The following LDB2 variants were observed in gnomAD, a reference collection of about 807,000 sequenced individuals.
The protein encoded by LDB2 is LIM domain binding 2, also known as LIM domain-binding protein 2.
A neutral mutation model predicts 44.3 loss-of-function variants in LDB2; 12 were observed. That is an observed-to-expected ratio of 0.27 (90% confidence interval 0.17 to 0.44). LDB2 has a LOEUF of 0.44. Ranked by LOEUF, LDB2 falls within the 20% of genes least tolerant of loss-of-function variation. The probability of loss-of-function intolerance (pLI) is 1.00; values close to 1 mark genes in which losing one functional copy is unlikely to be tolerated. For synonymous variants in LDB2, 164 were observed against 174.8 expected (o/e 0.94, Z 0.49); for missense variants, 344 against 473.5 (o/e 0.73, Z 2.54).
At chr4:16,773,937 G>A (rs569950204) in intron 1 of LDB2, among the ~76,000 whole-genome samples, 4 of 146,158 alleles carry the variant, frequency 2.7e-5, no homozygotes, top group African/African-American at 1.0e-4. Context: ...GGTGGATCAC[G>A]AGGTCAGGAG....
intron 5 of LDB2, among the ~76,000 whole-genome samples, chr4:16,577,384 C>T (rs1191338565): frequency 6.6e-6 from 1 of 152,036 alleles, no homozygotes; most frequent in Admixed American, 6.6e-5. Flanking sequence ...TAAAGTTGCG[C>T]AATACAAAAT....
chr4:16,511,126 A>G (rs1401783114), intron 6 of LDB2, among the ~76,000 whole-genome samples: 1 of 152,184 alleles, frequency 6.6e-6, no homozygotes, highest in South Asian at 2.1e-4. Context: ...TTCATTTTAC[A>G]TAAAACCCCT....
chr4:16,652,532 C>T (rs1251047222), intron 2 of LDB2, among the ~76,000 whole-genome samples: 1 of 152,196 alleles, frequency 6.6e-6, no homozygotes, highest in Non-Finnish European at 1.5e-5. Context: ...TGGACTTCTG[C>T]CACCCCATTT....
At chr4:16,737,962 G>A in intron 2 of LDB2, among the ~76,000 whole-genome samples, 1 of 152,150 alleles carries the variant, frequency 6.6e-6, no homozygotes, top group Non-Finnish European at 1.5e-5. Flanking sequence ...CCAAATGACT[G>A]GAACTAGTTG....
intron 5 of LDB2, among the ~76,000 whole-genome samples, chr4:16,547,088 T>C (rs1363169709): frequency 2.0e-5 from 3 of 152,168 alleles, no homozygotes; most frequent in African/African-American, 7.2e-5. Flanking sequence ...CTAGATGATA[T>C]AATACTGGAT....
At chr4:16,794,349 GA>G (rs1238174134) in intron 1 of LDB2, among the ~76,000 whole-genome samples, 4 of 152,218 alleles carry the variant, frequency 2.6e-5, no homozygotes, top group Non-Finnish European at 5.9e-5. Context: ...ATGATATTAG[GA>G]TGACCACCTC....
intron 2 of LDB2, among the ~76,000 whole-genome samples, chr4:16,635,567 G>A (rs763612154): frequency 6.6e-5 from 10 of 152,148 alleles, no homozygotes; most frequent in Admixed American, 2.0e-4. Context: ...GTGCTATAAT[G>A]CAGTCATGCC....
intron 1 of LDB2, among the ~76,000 whole-genome samples, chr4:16,777,732 G>T (rs1579573021): frequency 6.6e-6 from 1 of 151,972 alleles, no homozygotes; most frequent in Admixed American, 6.6e-5. Context: ...TGTAAAATGG[G>T]GACAGCAATC....
At chr4:16,637,477 C>G (rs80115191) in intron 2 of LDB2, among the ~76,000 whole-genome samples, 1 of 151,952 alleles carries the variant, frequency 6.6e-6, no homozygotes, top group Non-Finnish European at 1.5e-5. Flanking sequence ...CAAGTCTTTA[C>G]GGAGTACCCA....
At chr4:16,770,513 T>C (rs1329194368) in intron 1 of LDB2, among the ~76,000 whole-genome samples, 1 of 152,166 alleles carries the variant, frequency 6.6e-6, no homozygotes, top group Non-Finnish European at 1.5e-5. Context: ...TCACAGGCTC[T>C]CTATCAAGTT....
At chr4:16,807,084 C>G (rs1778924501) in intron 1 of LDB2, among the ~76,000 whole-genome samples, 1 of 152,182 alleles carries the variant, frequency 6.6e-6, no homozygotes, top group Non-Finnish European at 1.5e-5. Context: ...TGACAAGTCC[C>G]TCTTACATGT....
intron 1 of LDB2, among the ~76,000 whole-genome samples, chr4:16,863,185 G>A (rs2110279469): frequency 6.6e-6 from 1 of 152,332 alleles, no homozygotes; most frequent in East Asian, 1.9e-4. Context: ...AAGGGCAAGA[G>A]TTACAAATCA....
In LDB2 at chr4:16,657,917, T is replaced by C. The variant is rs1346303105; in HGVS notation, c.236-62042A>G. Among the ~76,000 whole-genome samples the C allele has an allele frequency of 2.6e-5, 4 of 152,350 alleles. No individual in the cohort carries two copies. The South Asian group carries it at 8.3e-4, about 32-fold the overall frequency. On this transcript the variant is annotated intron_variant, in intron 2 of 7. Coordinates refer to ENST00000304523, the MANE Select transcript of LDB2 (RefSeq NM_001290.5). ...CCACATATTTTAAAAACCTTCTCTCTACAGAAAATAAGAAAGACATGTTTC... is the reference window on the plus strand; with the variant it reads ...CCACATATTTTAAAAACCTTCTCTCCACAGAAAATAAGAAAGACATGTTTC...
chr4:16,607,835 G>A (rs1231707853), intron 2 of LDB2, among the ~76,000 whole-genome samples: 2 of 152,280 alleles, frequency 1.3e-5, no homozygotes, highest in East Asian at 3.9e-4. Flanking sequence ...GTGGATAAAT[G>A]TGGACTTGGC....
At chr4:16,622,761 G>C (rs1496751) in intron 2 of LDB2, among the ~76,000 whole-genome samples, 1 of 152,324 alleles carries the variant, frequency 6.6e-6, no homozygotes, top group African/African-American at 2.4e-5. Context: ...CTCTAGCGTA[G>C]AGTGAAAGCA....
At chr4:16,661,003 C>T (rs1245508749) in intron 2 of LDB2, among the ~76,000 whole-genome samples, 2 of 152,064 alleles carry the variant, frequency 1.3e-5, no homozygotes, top group Non-Finnish European at 2.9e-5. Context: ...AATTTAATTC[C>T]CTGAGGATTT....
At chr4:16,568,167 G>C (rs550674300) in intron 5 of LDB2, among the ~76,000 whole-genome samples, 1 of 152,090 alleles carries the variant, frequency 6.6e-6, no homozygotes, top group Non-Finnish European at 1.5e-5. Flanking sequence ...AGACTGTAAG[G>C]TGATGGTGAC....
rs1242773498 is a variant in LDB2 at position 16,502,444 on chromosome 4, G to A, written c.*199C>T. On this transcript the variant is annotated 3_prime_UTR_variant, in exon 8 of 8. Coordinates refer to ENST00000304523, the MANE Select transcript of LDB2 (RefSeq NM_001290.5). Reference sequence around the variant, plus strand: ...TTACCTGTGAAGGCCTCCAAGAAAGGGTCATGGAAGCTTACTGGGAATAAT... The same window carrying A: ...TTACCTGTGAAGGCCTCCAAGAAAGAGTCATGGAAGCTTACTGGGAATAAT... 3 of 706,174 alleles carry A rather than the reference G, an allele frequency of 4.2e-6. No homozygotes were observed. The highest frequency in any genetic ancestry group is 5.9e-5 in the Admixed American group (2 of 33,994). 43.7% of individuals were successfully genotyped at this position (706,174 alleles called of 1,614,324 possible). A position where few individuals can be genotyped will look rare whatever the true frequency, so the allele number is the denominator to read the frequency against.
At chr4:16,744,723 G>T (rs1209284233) in intron 2 of LDB2, among the ~76,000 whole-genome samples, 3 of 151,886 alleles carry the variant, frequency 2.0e-5, no homozygotes, top group Non-Finnish European at 4.4e-5. Flanking sequence ...TGATCTGCCC[G>T]CCTCGGCCTC....
Sources: gnomAD v4.1 joint callset for allele counts (sites outside exome capture counted in the v4.1 genomes callset) on GRCh38, gnomAD v4.1.1 for gene constraint, MANE v1.5 for transcripts, NCBI Gene and HGNC (gene_info 2026-07-23, HGNC 2026-07-21) for gene names.